SSBP4: variants seen among roughly 807,000 people sequenced by gnomAD.
The protein encoded by SSBP4 is single stranded DNA binding protein 4, also known as single-stranded DNA-binding protein 4.
SSBP4 carries 33 observed loss-of-function variants against 64.6 expected under a neutral mutation model. That is an observed-to-expected ratio of 0.51 (90% CI 0.39 to 0.68). SSBP4 has a LOEUF of 0.68. Among genes scored for constraint, SSBP4 ranks in the 30% least tolerant of loss-of-function variants. The pLI is 0.00. For missense variants in SSBP4, 583 were observed against 566.8 expected, an observed-to-expected ratio of 1.03 and a Z score of -0.29; for synonymous variants, 243 against 224.0, an observed-to-expected ratio of 1.08 and a Z score of -0.76.
chr19:18,405,377 C>G, the SSBP4 span, among the ~76,000 whole-genome samples: 3 of 152,134 alleles, frequency 2.0e-5, no homozygotes, highest in East Asian at 5.8e-4. Flanking sequence ...AACCCTCCCC[C>G]ACGCCAGGCG....
intron 1 of SSBP4, among the ~76,000 whole-genome samples, chr19:18,421,607 A>G (rs1972471433): frequency 6.6e-6 from 1 of 152,244 alleles, no homozygotes; most frequent in South Asian, 2.1e-4. Flanking sequence ...AGGAGAAAGC[A>G]AAGTGGATGA....
chr19:18,433,920 C>T, intron 17 of SSBP4, 103 bp downstream of exon 17: 1 of 1,252,510 alleles, frequency 8.0e-7, no homozygotes, highest in Non-Finnish European at 1.0e-6. Flanking sequence ...AGACCGTGAC[C>T]GCGGCGGGCC....
chr19:18,424,280 C>T (rs111404304), intron 1 of SSBP4, among the ~76,000 whole-genome samples: 14 of 152,316 alleles, frequency 9.2e-5, no homozygotes, highest in Admixed American at 2.6e-4. Flanking sequence ...AGGGGGTCCC[C>T]GGGCCGGTTT....
upstream of SSBP4, among the ~76,000 whole-genome samples, chr19:18,417,353 G>T (rs1293354859): frequency 1.3e-5 from 2 of 152,196 alleles, no homozygotes; most frequent in Non-Finnish European, 2.9e-5. The surrounding 1 kb of genome is among the most constrained non-coding windows in gnomAD (Gnocchi z 5.4). Flanking sequence ...GTGGCTCACA[G>T]GGGGCGAGGG....
Position 18,432,824 on chromosome 19 carries a change from T to G in SSBP4, c.787-5T>G. On this transcript the variant is annotated splice_polypyrimidine_tract_variant and splice_region_variant and intron_variant, in intron 12 of 17. Transcript: ENST00000270061. Reference sequence around the variant, plus strand: ...TTTCTCACGGTTCCTGTCTCTTGTGTGCAGGGACCCCCAGGAGGAGGTGGG... The same window carrying G: ...TTTCTCACGGTTCCTGTCTCTTGTGGGCAGGGACCCCCAGGAGGAGGTGGG... 2 of 1,613,960 alleles carry G rather than the reference T, an allele frequency of 1.2e-6. No homozygotes were observed. Among genetic ancestry groups the G allele is most frequent in the Non-Finnish European group, 1.7e-6 (2 of 1,179,928 alleles).
the SSBP4 span, among the ~76,000 whole-genome samples, chr19:18,412,000 C>T: frequency 6.6e-6 from 1 of 150,580 alleles, no homozygotes; most frequent in Admixed American, 6.6e-5. Flanking sequence ...CCCCCACACA[C>T]ACACACAAAA....
the SSBP4 span, among the ~76,000 whole-genome samples, chr19:18,412,038 G>C: frequency 1.3e-5 from 2 of 152,082 alleles, no homozygotes; most frequent in Non-Finnish European, 2.9e-5. Flanking sequence ...GGTGGTGCAC[G>C]TCTGTTGCCC....
At chr19:18,431,456 TC>T in intron 6 of SSBP4, 38 bp downstream of exon 6, 2 of 1,116,122 alleles carry the variant, frequency 1.8e-6, no homozygotes, top group Non-Finnish European at 2.6e-6. Context: ...CACACACACA[TC>T]CCCTCCCCCA....
At position 18,431,438 on chromosome 19, in the gene SSBP4, G is replaced by A. The variant is rs887464334; in HGVS notation, c.435+20G>A. ...GGTCAGGTAAGGAGCTGTGGTGCCT[G>A]CCCCTCACACACACACATCCCCTCC... On this transcript the variant is annotated intron_variant, in intron 6 of 17. Transcript: ENST00000270061. The A allele has an allele frequency of 5.5e-6, 8 of 1,450,774 alleles. No homozygotes were observed. The highest frequency in any genetic ancestry group is 1.4e-5 in the African/African-American group (1 of 69,628). The allele number at this position is 1,450,774 out of a possible 1,614,324, so 89.9% of individuals were successfully genotyped here. A position where few individuals can be genotyped will look rare whatever the true frequency, so the allele number is the denominator to read the frequency against.
chr19:18,406,347 CATT>C, the SSBP4 span, among the ~76,000 whole-genome samples: 2 of 150,428 alleles, frequency 1.3e-5, no homozygotes, highest in East Asian at 2.0e-4. Context: ...TTATTATTAT[CATT>C]ATTATTATTA....
chr19:18,431,611 TG>T, intron 6 of SSBP4, 35 bp from the exon 7 acceptor site: 2 of 1,522,230 alleles, frequency 1.3e-6, no homozygotes, highest in Non-Finnish European at 1.8e-6. Flanking sequence ...GACCAGAGGG[TG>T]GGGGAAGGTG....
intron 15 of SSBP4, 142 bp from the exon 16 acceptor site, chr19:18,433,443 C>A: frequency 7.0e-7 from 1 of 1,434,820 alleles, no homozygotes; most frequent in Non-Finnish European, 9.5e-7. Context: ...TCCACCTGGC[C>A]TCAGTCCCGG....
the SSBP4 span, among the ~76,000 whole-genome samples, chr19:18,407,572 C>T: frequency 6.6e-6 from 1 of 151,470 alleles, no homozygotes; most frequent in Non-Finnish European, 1.5e-5. Flanking sequence ...GCTGGGACTA[C>T]AGGCGCCCGC....
chr19:18,430,769 G>GA (rs11395316), intron 4 of SSBP4, 72 bp from the exon 5 acceptor site: 1,381,510 of 1,399,586 alleles, frequency 0.99, 681,916 homozygotes, highest in East Asian at 1. Flanking sequence ...CTGCAGAGAG[G>GA]GGGGGCACAC....
In SSBP4 at chr19:18,434,281, G is replaced by C. The variant is rs1273970546; in HGVS notation, c.*35G>C. 1.2e-6 allele frequency: 2 copies of C among 1,609,180 alleles called. No individual in the cohort carries two copies. Among genetic ancestry groups the C allele is most frequent in the South Asian group, 1.1e-5 (1 of 90,724 alleles). On this transcript the variant is annotated 3_prime_UTR_variant, in exon 18 of 18. Transcript: ENST00000270061. ...AGCCCCGGGCCTCTCTGCGGGCCTA[G>C]GCTTCTGCCCAGCGCCCCTGCTCAG... is the stretch of plus-strand genomic sequence containing the variant.
At position 18,428,034 on chromosome 19, in the gene SSBP4, G is replaced by A. The variant is rs1388544068; in HGVS notation, c.279+52G>A. Reference sequence around the variant, plus strand: ...GGCTCCAGGGCGGGAGGTGTGCTGGGCCTGTGGCTGGGGAGGTGGGGTGGG... The same window carrying A: ...GGCTCCAGGGCGGGAGGTGTGCTGGACCTGTGGCTGGGGAGGTGGGGTGGG... On this transcript the variant is annotated intron_variant, in intron 4 of 17. Coordinates refer to ENST00000270061, the MANE Select transcript of SSBP4 (RefSeq NM_032627.5). 2.0e-6 allele frequency: 3 copies of A among 1,535,524 alleles called. No individual in the cohort carries two copies. In the Admixed American group the frequency reaches 5.1e-5, roughly 26 times the overall value.
chr19:18,430,270 G>A (rs190926903), intron 4 of SSBP4, among the ~76,000 whole-genome samples: 2 of 152,166 alleles, frequency 1.3e-5, no homozygotes, highest in East Asian at 3.9e-4. Flanking sequence ...ATAGCAGACA[G>A]GTCTAGAACT....
chr19:18,421,185 C>G (rs764043863), intron 1 of SSBP4, among the ~76,000 whole-genome samples: 19 of 152,376 alleles, frequency 1.2e-4, no homozygotes, highest in Non-Finnish European at 2.5e-4. Flanking sequence ...TGCCCAGCCT[C>G]TGGGTCATTT....
the SSBP4 span, among the ~76,000 whole-genome samples, chr19:18,407,947 A>G: frequency 4.6e-5 from 7 of 151,578 alleles, no homozygotes; most frequent in African/African-American, 1.7e-4. Context: ...GTTTCACCAC[A>G]TTGCCCAGAC....
Sources: gnomAD v4.1 joint callset for allele counts (sites outside exome capture counted in the v4.1 genomes callset) on GRCh38, gnomAD v4.1.1 for gene constraint, Gnocchi (gnomAD v3.1) non-coding constraint, MANE v1.5 for transcripts, NCBI Gene and HGNC (gene_info 2026-07-23, HGNC 2026-07-21) for gene names.